APOL5: variants seen among roughly 807,000 people sequenced by gnomAD.
The protein encoded by APOL5 is apolipoprotein L5.
Under a neutral mutation model 35.5 loss-of-function variants are expected in APOL5, and 29 were observed. The observed-to-expected ratio is 0.82, with a 90% confidence interval of 0.61 to 1.11. APOL5 has a LOEUF of 1.11. Among genes scored for constraint, APOL5 ranks in the 50% most tolerant of loss-of-function variants. The pLI, the probability that APOL5 is intolerant of heterozygous loss-of-function variation, is 0.00. For missense variants in APOL5, 514 were observed against 530.4 expected, an observed-to-expected ratio of 0.97 and a Z score of 0.30; for synonymous variants, 188 against 200.2, an observed-to-expected ratio of 0.94 and a Z score of 0.51.
At chr22:35,727,314 A>T in intron 3 of APOL5, 120 bp downstream of exon 3, 1 of 1,426,672 alleles carries the variant, frequency 7.0e-7, no homozygotes. Flanking sequence ...CCCCTTCTGC[A>T]AAGAGAGGAC....
rs1927273133 is a variant in APOL5 at position 35,728,909 on chromosome 22, G to A, written c.*6+5G>A. 1 of 1,580,540 alleles carries A rather than the reference G, an allele frequency of 6.3e-7. No homozygotes were observed. The highest frequency in any genetic ancestry group is 1.4e-5 in the African/African-American group (1 of 73,202). On this transcript the variant is annotated splice_donor_5th_base_variant and intron_variant, in intron 4 of 4. Coordinates refer to ENST00000249044, the MANE Select transcript of APOL5 (RefSeq NM_030642.1). The stretch of plus-strand genomic sequence containing the variant: ...AGACACCGACAATGAGAAGAGGTAA[G>A]TGGGACGCAAGGAAGCCAGGAGCTG...
At position 35,726,880 on chromosome 22, in the gene APOL5, G is replaced by C; in HGVS notation, c.812G>C (p.Trp271Ser). ...NFVAKRHIPF[W>S]TARGVQRAFE... ...GTGGCCAAGAGACACATCCCTTTCT[G>C]GACGGCTAGAGGGGTGCAGAGAGCC... The change falls in exon 3 of 5, where the codon TGG becomes TCG. Residue 271 changes from tryptophan to serine, a missense_variant. Transcript: ENST00000249044. 3 of 1,614,188 alleles carry C rather than the reference G, an allele frequency of 1.9e-6. No individual in the cohort carries two copies. The highest frequency in any genetic ancestry group is 2.5e-6 in the Non-Finnish European group (3 of 1,180,034).
Position 35,726,406 on chromosome 22 carries a change from T to A in APOL5, c.338T>A (p.Leu113Gln). 6.2e-7 allele frequency: 1 copy of A among 1,614,168 alleles called. No individual in the cohort carries two copies. The highest frequency in any genetic ancestry group is 8.5e-7 in the Non-Finnish European group (1 of 1,180,046). ...LSYFPLHKFE[L>Q]EQNIKELNTL... is the part of the protein sequence containing the mutation. ...TATTTTCCTTTGCACAAGTTTGAGC[T>A]AGAACAGAACATCAAAGAACTTAAC... Residue 113 changes from leucine to glutamine, a missense_variant, in exon 3 of 5, where the codon CTA becomes CAA. Physicochemically the swap from Leu to Gln is moderately radical, Grantham distance 113. Around this residue, in one of 3 missense-constraint regions of APOL5, gnomAD observed 254 missense variants for 254.7 expected, o/e 1.00. Transcript: ENST00000249044.
Position 35,720,581 on chromosome 22 carries a change from T to A in APOL5, c.69T>A (p.Gly23=). The A allele has an allele frequency of 1.2e-6, 2 of 1,613,970 alleles. No homozygotes were observed. Among genetic ancestry groups the A allele is most frequent in the Non-Finnish European group, 1.7e-6 (2 of 1,179,968 alleles). ...GSKVLPGLGE[G]CKEMWLRKVI... ...GTCCATCTCCAGGCTTGGGAGAAGG[T>A]TGTAAAGAAATGTGGCTTCGAAAGG... is the stretch of plus-strand genomic sequence containing the variant. Residue 23 remains glycine (G), a synonymous_variant, in exon 2 of 5, where the codon GGT becomes GGA. Coordinates refer to ENST00000249044, the MANE Select transcript of APOL5 (RefSeq NM_030642.1).
At chr22:35,711,872 G>A in the APOL5 span, among the ~76,000 whole-genome samples, 3 of 151,940 alleles carry the variant, frequency 2.0e-5, no homozygotes, top group South Asian at 2.1e-4. Flanking sequence ...ACGGGGTTTC[G>A]CCATGTTGGC....
chr22:35,726,392 G>A lies in APOL5; in HGVS notation c.324G>A (p.Leu108=). 1 of 1,614,076 alleles carries A rather than the reference G, an allele frequency of 6.2e-7. No individual in the cohort carries two copies. The highest frequency in any genetic ancestry group is 2.2e-5 in the East Asian group (1 of 44,890). The change falls in exon 3 of 5, where the codon TTG becomes TTA. Residue 108 remains leucine (L), a synonymous_variant. Coordinates refer to ENST00000249044, the MANE Select transcript of APOL5 (RefSeq NM_030642.1). ...AATTGTTTCTCTCATATTTTCCTTT[G>A]CACAAGTTTGAGCTAGAACAGAACA... The part of the protein sequence containing the change: ...EEKLFLSYFP[L]HKFELEQNIK...
intron 1 of APOL5, 98 bp from the exon 2 acceptor site, chr22:35,720,470 T>A: frequency 1.1e-6 from 1 of 910,040 alleles, no homozygotes; most frequent in Non-Finnish European, 1.8e-6. Flanking sequence ...AATTCTCCAA[T>A]ATTGTAATTA....
chr22:35,720,681 C>A, intron 2 of APOL5, 27 bp downstream of exon 2: 1 of 1,474,208 alleles, frequency 6.8e-7, no homozygotes, highest in South Asian at 1.2e-5. Flanking sequence ...GGCTGTTATG[C>A]TTATGGCCAC....
chr22:35,725,946 G>T (rs1927137761), intron 2 of APOL5, among the ~76,000 whole-genome samples: 1 of 152,140 alleles, frequency 6.6e-6, no homozygotes, highest in Non-Finnish European at 1.5e-5. Context: ...TTTGTTTCTG[G>T]GAAAGGGCTG....
chr22:35,717,779 A>G, upstream of APOL5: 1 of 644,438 alleles, frequency 1.6e-6, no homozygotes, highest in East Asian at 3.3e-5. Flanking sequence ...AAAAAAAAAT[A>G]GGTGAGGACT....
At position 35,726,201 on chromosome 22, in the gene APOL5, A is replaced by G; in HGVS notation, c.143-10A>G. On this transcript the variant is annotated splice_polypyrimidine_tract_variant and intron_variant, in intron 2 of 4. Transcript: ENST00000249044. ...ACATTTTAGTGCTCAGATTGCCTAG[A>G]TGTCTTTAGCCTCACTCGTGAACCT... The G allele has an allele frequency of 6.2e-7, 1 of 1,601,050 alleles. No individual in the cohort carries two copies. Among genetic ancestry groups the G allele is most frequent in the Non-Finnish European group, 8.6e-7 (1 of 1,169,502 alleles).
At chr22:35,712,706 A>C in the APOL5 span, among the ~76,000 whole-genome samples, 52 of 152,232 alleles carry the variant, frequency 3.4e-4, no homozygotes, top group Non-Finnish European at 6.2e-4. Context: ...TTCATGGACC[A>C]GCTATTTATG....
At chr22:35,713,367 C>G (rs576975491), upstream of APOL5, among the ~76,000 whole-genome samples, 5 of 152,144 alleles carry the variant, frequency 3.3e-5, no homozygotes, top group Non-Finnish European at 7.3e-5. Context: ...GGCTTGACAG[C>G]GAAAGAAACA....
chr22:35,712,863 T>A, the APOL5 span, among the ~76,000 whole-genome samples: 1 of 152,216 alleles, frequency 6.6e-6, no homozygotes, highest in South Asian at 2.1e-4. Context: ...GGTGGAGTCT[T>A]TTCCCCTCTC....
At chr22:35,717,255 T>TATATATATATATATATATA (rs1167745529), upstream of APOL5, among the ~76,000 whole-genome samples, 9 of 123,108 alleles carry the variant, frequency 7.3e-5, no homozygotes, top group East Asian at 2.9e-4. Context: ...TATATATATA[T>TATATATATATATATATATA]TAGCTGGGTG....
the APOL5 span, among the ~76,000 whole-genome samples, chr22:35,709,247 A>G: frequency 0.06 from 9,209 of 152,300 alleles, 1,002 homozygotes; most frequent in African/African-American, 0.21. Flanking sequence ...CAGTATCTAG[A>G]TATATTCTAA....
At position 35,728,913 on chromosome 22, in the gene APOL5, G is replaced by A. The variant is rs748369776; in HGVS notation, c.*6+9G>A. On this transcript the variant is annotated intron_variant, in intron 4 of 4. Coordinates refer to ENST00000249044, the MANE Select transcript of APOL5 (RefSeq NM_030642.1). ...ACCGACAATGAGAAGAGGTAAGTGG[G>A]ACGCAAGGAAGCCAGGAGCTGTGGG... is the stretch of plus-strand genomic sequence containing the variant. The A allele has an allele frequency of 6.4e-7, 1 of 1,574,428 alleles. No homozygotes were observed. Among genetic ancestry groups the A allele is most frequent in the South Asian group, 1.2e-5 (1 of 85,928 alleles).
chr22:35,713,454 T>C (rs895205051), upstream of APOL5, among the ~76,000 whole-genome samples: 5 of 152,100 alleles, frequency 3.3e-5, no homozygotes, highest in Non-Finnish European at 2.9e-5. Context: ...CCACCTACCA[T>C]TGGTGTTTCC....
At chr22:35,714,937 G>A (rs1007961359), upstream of APOL5, among the ~76,000 whole-genome samples, 1 of 152,148 alleles carries the variant, frequency 6.6e-6, no homozygotes, top group Non-Finnish European at 1.5e-5. Flanking sequence ...GGGGGAGAAG[G>A]GTAGTTCTTT....
Sources: allele counts gnomAD v4.1 joint callset (sites outside exome capture counted in the v4.1 genomes callset), GRCh38; gene constraint gnomAD v4.1.1; regional missense constraint gnomAD v4.1.1; transcripts MANE v1.5; gene names NCBI Gene and HGNC (gene_info 2026-07-23, HGNC 2026-07-21).